The following PBX1 variants were observed in gnomAD, a reference collection of about 807,000 sequenced individuals.
PBX1 encodes pre-B-cell leukemia transcription factor 1.
In PBX1, 6 loss-of-function variants were observed where a neutral mutation model predicts 53.4. That is an observed-to-expected ratio of 0.11 (90% CI 0.06 to 0.22). The LOEUF is 0.22. PBX1 is among the 10% of genes least tolerant of loss of function. The pLI, the probability that PBX1 is intolerant of heterozygous loss-of-function variation, is 1.00. For synonymous variants in PBX1, 204 were observed against 212.3 expected, an observed-to-expected ratio of 0.96 and a Z score of 0.34; for missense variants, 251 against 551.4, an observed-to-expected ratio of 0.46 and a Z score of 5.46.
chr1:164,600,223 TA>T (rs552089612), intron 2 of PBX1, among the ~76,000 whole-genome samples: 20 of 149,900 alleles, frequency 1.3e-4, no homozygotes, highest in African/African-American at 4.4e-4. Context: ...ATGAAAATAT[TA>T]AGAGCCTAAA....
intron 2 of PBX1, among the ~76,000 whole-genome samples, chr1:164,660,084 A>G (rs966526045): frequency 2.0e-5 from 3 of 152,160 alleles, no homozygotes; most frequent in Non-Finnish European, 4.4e-5. Flanking sequence ...CTGTTTCTAA[A>G]ACTACTCACC....
chr1:164,793,774 C>G (rs996993830), intron 3 of PBX1, among the ~76,000 whole-genome samples: 2 of 92,052 alleles, frequency 2.2e-5, no homozygotes, highest in Non-Finnish European at 5.6e-5. Context: ...TTACCCTACT[C>G]TCATTGAATC....
intron 2 of PBX1, among the ~76,000 whole-genome samples, chr1:164,565,721 G>A (rs1653387027): frequency 6.6e-6 from 1 of 151,054 alleles, no homozygotes; most frequent in Non-Finnish European, 1.5e-5. Flanking sequence ...TGGGTCGGAG[G>A]AACAAAGTGT....
chr1:164,670,199 A>G (rs868227573), intron 2 of PBX1, among the ~76,000 whole-genome samples: 2 of 152,192 alleles, frequency 1.3e-5, no homozygotes, highest in Admixed American at 6.5e-5. Flanking sequence ...AGGGAGGTCC[A>G]GGGGAAACTG....
chr1:164,760,172 T>C lies in PBX1; in HGVS notation c.266-32322T>C, dbSNP rs578042678. Among the ~76,000 whole-genome samples the C allele has an allele frequency of 3.3e-5, 5 of 152,350 alleles. No individual in the cohort carries two copies. In the East Asian group the frequency reaches 9.6e-4, roughly 29 times the overall value. On this transcript the variant is annotated intron_variant, in intron 2 of 8. Transcript: ENST00000420696. The stretch of plus-strand genomic sequence containing the variant: ...GAGCCTGTCACTCCGTCTTGACTAC[T>C]GCTCGGGGCTGGAGCCACTTACCAT...
intron 5 of PBX1, among the ~76,000 whole-genome samples, chr1:164,809,761 T>C (rs1229788345): frequency 6.6e-6 from 1 of 152,134 alleles, no homozygotes. Flanking sequence ...ATGTTGCCCA[T>C]ACACCCAAAT....
chr1:164,783,784 T>C (rs1326704428), intron 2 of PBX1, among the ~76,000 whole-genome samples: 2 of 152,174 alleles, frequency 1.3e-5, no homozygotes, highest in South Asian at 2.1e-4. Context: ...CCCATACTTA[T>C]ACTTTTCTAG....
At chr1:164,824,954 C>T (rs1475309428) in intron 8 of PBX1, among the ~76,000 whole-genome samples, 2 of 152,168 alleles carry the variant, frequency 1.3e-5, no homozygotes, top group African/African-American at 4.8e-5. Context: ...CTCCCACACA[C>T]CCTCTGAATT....
intron 2 of PBX1, among the ~76,000 whole-genome samples, chr1:164,678,526 A>G (rs1661569917): frequency 6.6e-6 from 1 of 152,226 alleles, no homozygotes. Context: ...CTGGCTGAGA[A>G]CATGAGCTGG....
At chr1:164,793,030 T>C (rs902792034) in intron 3 of PBX1, among the ~76,000 whole-genome samples, 1 of 152,188 alleles carries the variant, frequency 6.6e-6, no homozygotes, top group African/African-American at 2.4e-5. Context: ...ACTCCATACC[T>C]GGACTCCAGA....
chr1:164,730,803 A>C (rs968655904), intron 2 of PBX1, among the ~76,000 whole-genome samples: 1 of 152,236 alleles, frequency 6.6e-6, no homozygotes, highest in Non-Finnish European at 1.5e-5. Context: ...CTAAAGAAGC[A>C]ACTAGAATAA....
intron 2 of PBX1, among the ~76,000 whole-genome samples, chr1:164,863,446 T>C (rs1261208948): frequency 6.6e-6 from 1 of 152,142 alleles, no homozygotes; most frequent in Non-Finnish European, 1.5e-5. Flanking sequence ...CAAGCAAAAA[T>C]AAAAACATCC....
chr1:164,809,240 G>A (rs955550000), intron 5 of PBX1, among the ~76,000 whole-genome samples: 1 of 152,126 alleles, frequency 6.6e-6, no homozygotes, highest in African/African-American at 2.4e-5. Context: ...GTAATTTGTA[G>A]TATAGCTGGA....
intron 2 of PBX1, among the ~76,000 whole-genome samples, chr1:164,725,976 G>A (rs78614103): frequency 2.0e-5 from 3 of 152,112 alleles, no homozygotes; most frequent in African/African-American, 4.8e-5. Flanking sequence ...AGAGCTTCTG[G>A]AATTTTCTTC....
chr1:164,618,393 C>T (rs1657444031), intron 2 of PBX1, among the ~76,000 whole-genome samples: 1 of 151,192 alleles, frequency 6.6e-6, no homozygotes, highest in Non-Finnish European at 1.5e-5. Flanking sequence ...GCACTTGAAC[C>T]TTGTCAATGA....
chr1:164,723,856 G>A (rs968170704), intron 2 of PBX1, among the ~76,000 whole-genome samples: 2 of 152,350 alleles, frequency 1.3e-5, no homozygotes, highest in African/African-American at 4.8e-5. Flanking sequence ...AAATTAAAGT[G>A]TATAATTAAT....
chr1:164,731,542 G>C (rs925338311), intron 2 of PBX1, among the ~76,000 whole-genome samples: 1 of 152,138 alleles, frequency 6.6e-6, no homozygotes, highest in Non-Finnish European at 1.5e-5. Flanking sequence ...TGTGAATGCC[G>C]TTGAAAGGGT....
intron 2 of PBX1, among the ~76,000 whole-genome samples, chr1:164,585,691 C>T (rs1457279243): frequency 2.6e-5 from 4 of 152,188 alleles, no homozygotes; most frequent in African/African-American, 9.7e-5. Flanking sequence ...GAACCACAAT[C>T]TATTAAGATT....
At chr1:164,755,151 G>C (rs980508998) in intron 2 of PBX1, among the ~76,000 whole-genome samples, 2 of 152,104 alleles carry the variant, frequency 1.3e-5, no homozygotes, top group African/African-American at 4.8e-5. Context: ...AAGAATCTAG[G>C]CTGTGAACTA....
Sources: gnomAD v4.1 joint callset for allele counts (sites outside exome capture counted in the v4.1 genomes callset) on GRCh38, gnomAD v4.1.1 for gene constraint, MANE v1.5 for transcripts, NCBI Gene and HGNC (gene_info 2026-07-23, HGNC 2026-07-21) for gene names.